Variants in ARHGAP17 observed in about 807,000 individuals in gnomAD.
The protein encoded by ARHGAP17 is Rho GTPase activating protein 17, also known as rho GTPase-activating protein 17.
Under a neutral mutation model 99.5 loss-of-function variants are expected in ARHGAP17, and 57 were observed. The observed-to-expected ratio is 0.57, with a 90% CI of 0.46 to 0.71. The LOEUF (loss-of-function observed/expected upper bound fraction) is 0.71, where lower values mean the gene tolerates loss of function less well. Ranked by LOEUF, ARHGAP17 falls within the 30% of genes least tolerant of loss-of-function variation. The pLI, the probability that ARHGAP17 is intolerant of heterozygous loss-of-function variation, is 0.00. For missense variants in ARHGAP17, 1,000 were observed against 1,122.4 expected (o/e 0.89, Z 1.56); for synonymous variants, 417 against 429.6 (o/e 0.97, Z 0.36).
At chr16:24,937,321 C>G (rs1219645242) in intron 17 of ARHGAP17, among the ~76,000 whole-genome samples, 2 of 152,022 alleles carry the variant, frequency 1.3e-5, no homozygotes, top group East Asian at 3.9e-4. Context: ...ACTCCGGCGG[C>G]TGAGGCAGGA....
intron 17 of ARHGAP17, among the ~76,000 whole-genome samples, chr16:24,938,073 C>T (rs1234832107): frequency 6.6e-6 from 1 of 152,148 alleles, no homozygotes; most frequent in African/African-American, 2.4e-5. Context: ...ATAAAAATCT[C>T]AAGTTATGGC....
Position 24,919,828 on chromosome 16 carries a change from C to T in ARHGAP17, c.*302G>A. The T allele has an allele frequency of 4.3e-6, 1 of 234,214 alleles. No individual in the cohort carries two copies. The highest frequency in any genetic ancestry group is 8.3e-6 in the Non-Finnish European group (1 of 120,102). 14.5% of individuals were successfully genotyped at this position (234,214 alleles called of 1,614,324 possible). On this transcript the variant is annotated 3_prime_UTR_variant, in exon 20 of 20. Transcript: ENST00000289968. ...GCATTAACAGCAGGGACAAAAGCTT[C>T]CTATGCGCGTTTCAGCAGGAATACT... is the stretch of plus-strand genomic sequence containing the variant.
chr16:24,943,990 T>C, intron 14 of ARHGAP17, 128 bp from the exon 15 acceptor site: 1 of 859,836 alleles, frequency 1.2e-6, no homozygotes, highest in Non-Finnish European at 1.8e-6. Context: ...TCAAAATCAC[T>C]GGCCGGGTGT....
chr16:24,969,964 G>A (rs1237668418), intron 4 of ARHGAP17, among the ~76,000 whole-genome samples: 1 of 152,044 alleles, frequency 6.6e-6, no homozygotes, highest in Non-Finnish European at 1.5e-5. Flanking sequence ...CCTTGCTGCA[G>A]GAGCAGACAG....
intron 16 of ARHGAP17, among the ~76,000 whole-genome samples, chr16:24,941,390 C>T (rs9923520): frequency 0.032 from 4,816 of 152,228 alleles, 262 homozygotes; most frequent in African/African-American, 0.11. Context: ...TCTTAATCAC[C>T]CTTGAAAATC....
chr16:24,938,783 A>AG (rs1491397122), intron 17 of ARHGAP17, among the ~76,000 whole-genome samples: 1 of 149,358 alleles, frequency 6.7e-6, no homozygotes, highest in Non-Finnish European at 1.5e-5. Context: ...GAAAAAAAAA[A>AG]AAAAAAAAGA....
At chr16:24,981,333 A>T (rs1156308214) in intron 1 of ARHGAP17, among the ~76,000 whole-genome samples, 1 of 152,260 alleles carries the variant, frequency 6.6e-6, no homozygotes, top group Non-Finnish European at 1.5e-5. Context: ...AGTCCACTGG[A>T]AACATAAAGA....
intron 1 of ARHGAP17, among the ~76,000 whole-genome samples, chr16:24,996,114 T>TG (rs921213538): frequency 6.7e-4 from 101 of 151,838 alleles, no homozygotes; most frequent in Admixed American, 2.6e-3. Context: ...TTTATTTTTT[T>TG]GGGGGGGGAG....
chr16:24,965,311 A>T (rs56301010), intron 6 of ARHGAP17, among the ~76,000 whole-genome samples: 60,235 of 151,946 alleles, frequency 0.4, 12,119 homozygotes, highest in East Asian at 0.52. Context: ...TCTACTAAAA[A>T]TACAAAACAT....
chr16:24,966,393 G>A (rs940087502), intron 6 of ARHGAP17, among the ~76,000 whole-genome samples: 5 of 152,174 alleles, frequency 3.3e-5, no homozygotes, highest in African/African-American at 9.7e-5. Context: ...AGCACTTTGG[G>A]AGGCTAAGGC....
chr16:24,937,108 C>A (rs916891219), intron 17 of ARHGAP17, among the ~76,000 whole-genome samples: 3 of 147,452 alleles, frequency 2.0e-5, no homozygotes, highest in African/African-American at 8.0e-5. Context: ...CAGAGCAAGA[C>A]CCTGTCTGAA....
Position 24,970,571 on chromosome 16 carries a change from G to A in ARHGAP17, c.208C>T (p.Pro70Ser). ...TDAERRHKKL[P>S]LTALAQNMQE... is the part of the protein sequence containing the mutation. ...ATATTTTGAGCAAGAGCTGTCAGAG[G>A]CAGTTTTTTCTGGAAGATAGAAGAC... The change falls in exon 4 of 20, where the codon CCT (proline) becomes TCT (serine). Residue 70 changes from proline (P) to serine (S), a missense_variant. This residue lies in a region of ARHGAP17 where 472 missense variants were observed against 611.1 expected (regional missense o/e 0.77). Transcript: ENST00000289968. 6.2e-7 allele frequency: 1 copy of A among 1,614,088 alleles called. No individual in the cohort carries two copies. Among genetic ancestry groups the A allele is most frequent in the Middle Eastern group, 1.7e-4 (1 of 6,060 alleles).
intron 1 of ARHGAP17, among the ~76,000 whole-genome samples, chr16:25,013,453 C>T (rs1189261997): frequency 6.6e-6 from 1 of 152,146 alleles, no homozygotes; most frequent in Non-Finnish European, 1.5e-5. Flanking sequence ...CAAATCCCCA[C>T]TCTACAAAAA....
At position 24,931,118 on chromosome 16, in the gene ARHGAP17, G is replaced by T; in HGVS notation, c.2181C>A (p.His727Gln). 1 of 1,607,160 alleles carries T rather than the reference G, an allele frequency of 6.2e-7. No individual in the cohort carries two copies. Among genetic ancestry groups the T allele is most frequent in the Admixed American group, 1.7e-5 (1 of 59,320 alleles). ...GAGGGCCCTGGCTATTGGGTTTGGT[G>T]TGCATCAGTGGCGTGGCCTGCGTAG... ...QPPTQATPLM[H>Q]TKPNSQGPPN... is the part of the protein sequence containing the mutation. Residue 727 changes from histidine (H) to glutamine (Q), a missense_variant, in exon 19 of 20, where the codon CAC becomes CAA. Transcript: ENST00000289968.
chr16:24,923,380 C>T (rs2050763125), intron 19 of ARHGAP17, among the ~76,000 whole-genome samples: 1 of 152,132 alleles, frequency 6.6e-6, no homozygotes, highest in Non-Finnish European at 1.5e-5. Context: ...ATCTTTCTGG[C>T]TATGAACTCG....
chr16:25,010,821 A>C (rs1363568034), intron 1 of ARHGAP17, among the ~76,000 whole-genome samples: 2 of 152,248 alleles, frequency 1.3e-5, no homozygotes, highest in Non-Finnish European at 2.9e-5. Flanking sequence ...TGAGGCCTTC[A>C]CATGGCCCAA....
intron 6 of ARHGAP17, among the ~76,000 whole-genome samples, chr16:24,967,564 C>T (rs762253787): frequency 6.6e-6 from 1 of 152,052 alleles, no homozygotes; most frequent in African/African-American, 2.4e-5. Flanking sequence ...GTAATCCCAG[C>T]GCTTTGGGAG....
chr16:24,942,052 C>G lies in ARHGAP17; in HGVS notation c.1425G>C (p.Gly475=). 2 of 1,614,130 alleles carry G rather than the reference C, an allele frequency of 1.2e-6. No homozygotes were observed. The highest frequency in any genetic ancestry group is 1.7e-6 in the Non-Finnish European group (2 of 1,179,994). The change falls in exon 16 of 20, where the codon GGG becomes GGC. Residue 475 remains glycine, a synonymous_variant. Coordinates refer to ENST00000289968, the MANE Select transcript of ARHGAP17 (RefSeq NM_001006634.3). ...TAGCAGGCCGCTTCCTCTCCAGGGTCCCCGAGTCAGAGTCGTTTCCAGTGT... is the reference window on the plus strand; with the variant it reads ...TAGCAGGCCGCTTCCTCTCCAGGGTGCCCGAGTCAGAGTCGTTTCCAGTGT... ...SFHTGNDSDS[G]TLERKRPASM...
At chr16:24,926,599 T>C (rs753235324) in intron 19 of ARHGAP17, among the ~76,000 whole-genome samples, 1 of 152,150 alleles carries the variant, frequency 6.6e-6, no homozygotes, top group African/African-American at 2.4e-5. Context: ...TTACATGACA[T>C]AAGAAGGGTG....
Sources: gnomAD v4.1 joint callset for allele counts (sites outside exome capture counted in the v4.1 genomes callset) on GRCh38, gnomAD v4.1.1 for gene constraint, gnomAD v4.1.1 regional missense constraint, MANE v1.5 for transcripts, NCBI Gene and HGNC (gene_info 2026-07-23, HGNC 2026-07-21) for gene names.